Variants in METAP1D observed in about 807,000 individuals in gnomAD.
The protein encoded by METAP1D is methionine aminopeptidase 1D, mitochondrial.
METAP1D carries 31 observed loss-of-function variants against 40.5 expected under a neutral mutation model. The observed-to-expected ratio is 0.77, with a 90% CI of 0.58 to 1.03. The LOEUF is 1.03. Among genes scored for constraint, METAP1D ranks in the 50% least tolerant of loss-of-function variants. METAP1D has a pLI of 0.00. For missense variants in METAP1D, 411 were observed against 420.7 expected, an observed-to-expected ratio of 0.98 and a Z score of 0.20; for synonymous variants, 151 against 146.4, an observed-to-expected ratio of 1.03 and a Z score of -0.22.
chr2:172,025,091 G>A (rs554985427), intron 1 of METAP1D, among the ~76,000 whole-genome samples: 152 of 152,276 alleles, frequency 1.0e-3, no homozygotes, highest in Non-Finnish European at 1.9e-3. Context: ...GGAATCATTG[G>A]TTAAGAAACC....
intron 1 of METAP1D, among the ~76,000 whole-genome samples, chr2:172,043,009 GTA>G (rs1491296838): frequency 2.9e-5 from 3 of 102,716 alleles, no homozygotes; most frequent in Admixed American, 9.0e-5. Context: ...ACATATATGT[GTA>G]TGTGTACACA....
At chr2:172,018,931 C>G (rs1688942911) in intron 1 of METAP1D, among the ~76,000 whole-genome samples, 1 of 152,224 alleles carries the variant, frequency 6.6e-6, no homozygotes, top group African/African-American at 2.4e-5. Flanking sequence ...GACAGTTCCT[C>G]AGTCTTTCCT....
chr2:172,049,449 A>G (rs900781818), intron 1 of METAP1D, among the ~76,000 whole-genome samples: 1 of 151,708 alleles, frequency 6.6e-6, no homozygotes, highest in African/African-American at 2.4e-5. Flanking sequence ...ATACACACAC[A>G]TACACATATA....
In METAP1D at chr2:172,042,334, T is replaced by C. The variant is rs771777211; in HGVS notation, c.41-19164T>C. Among the ~76,000 whole-genome samples, 3 of 26,366 alleles carry C rather than the reference T, an allele frequency of 1.1e-4. 1 individual carries two copies. The highest frequency in any genetic ancestry group is 1.9e-4 in the Non-Finnish European group (3 of 15,968). 17.3% of individuals were successfully genotyped at this position (26,366 alleles called of 152,430 possible). A position where few individuals can be genotyped will look rare whatever the true frequency, so the allele number is the denominator to read the frequency against. ...ACATATATACATATGTATGTGTACATGTGTACATATATACATATATACATA... is the reference window on the plus strand; with the variant it reads ...ACATATATACATATGTATGTGTACACGTGTACATATATACATATATACATA... On this transcript the variant is annotated intron_variant, in intron 1 of 9. Coordinates refer to ENST00000315796, the MANE Select transcript of METAP1D (RefSeq NM_199227.3).
chr2:172,074,493 A>G (rs903548184), intron 6 of METAP1D, among the ~76,000 whole-genome samples: 2 of 152,232 alleles, frequency 1.3e-5, no homozygotes, highest in Non-Finnish European at 2.9e-5. Flanking sequence ...AAGCATTGCA[A>G]TAAATTATCT....
In METAP1D at chr2:172,042,449, GCGTACATA is replaced by G. The variant is rs1277752995; in HGVS notation, c.41-19048_41-19041del. Among the ~76,000 whole-genome samples, 2 of 39,222 alleles carry G rather than the reference GCGTACATA, an allele frequency of 5.1e-5. 1 individual carries two copies. Among genetic ancestry groups the G allele is most frequent in the Admixed American group, 6.0e-4 (2 of 3,330 alleles). The allele number at this position is 39,222 out of a possible 152,430, so 25.7% of individuals were successfully genotyped here. On this transcript the variant is annotated intron_variant, in intron 1 of 9. Coordinates refer to ENST00000315796, the MANE Select transcript of METAP1D (RefSeq NM_199227.3). ...CATATATACATATGTATGTGTACAT[GCGTACATA>G]TATACATATATACATATGTGTGTGT...
chr2:172,005,443 A>G (rs939634120), intron 1 of METAP1D, among the ~76,000 whole-genome samples: 2 of 150,420 alleles, frequency 1.3e-5, no homozygotes, highest in Non-Finnish European at 3.0e-5. Flanking sequence ...AATGGCCTCC[A>G]GTTCCATCCA....
intron 5 of METAP1D, among the ~76,000 whole-genome samples, chr2:172,069,998 A>G (rs1303209500): frequency 2.0e-5 from 3 of 152,190 alleles, no homozygotes; most frequent in Non-Finnish European, 4.4e-5. Flanking sequence ...ATTCTACCTT[A>G]TGAGCAAGAG....
chr2:172,048,585 T>C lies in METAP1D; in HGVS notation c.41-12913T>C, dbSNP rs187365614. Reference sequence around the variant, plus strand: ...GCATATCTTTTGGAGGAAATTCTCATGGTGCATTCACAAGCAAAATATAAA... The same window carrying C: ...GCATATCTTTTGGAGGAAATTCTCACGGTGCATTCACAAGCAAAATATAAA... On this transcript the variant is annotated intron_variant, in intron 1 of 9. Transcript: ENST00000315796. Among the ~76,000 whole-genome samples the C allele has an allele frequency of 5.3e-5, 8 of 152,338 alleles. No individual in the cohort carries two copies. In the East Asian group the frequency reaches 1.3e-3, roughly 26 times the overall value.
At chr2:172,077,974 C>A in intron 7 of METAP1D, 80 bp downstream of exon 7, 1 of 593,406 alleles carries the variant, frequency 1.7e-6, no homozygotes. Flanking sequence ...CTTCCTCTGA[C>A]TTTGAATCTG....
Position 172,080,592 on chromosome 2 carries a change from TG to T in METAP1D, c.*190del. On this transcript the variant is annotated 3_prime_UTR_variant, in exon 10 of 10. Coordinates refer to ENST00000315796, the MANE Select transcript of METAP1D (RefSeq NM_199227.3). ...TGGGAACTCGGATCTGAAGCCCTGC[TG>T]GGGTCGCGCGGCTTTGGAAAAACAA... is the stretch of plus-strand genomic sequence containing the variant. 1 of 647,130 alleles carries T rather than the reference TG, an allele frequency of 1.5e-6. No homozygotes were observed. Among genetic ancestry groups the T allele is most frequent in the Non-Finnish European group, 2.7e-6 (1 of 376,256 alleles). 40.1% of individuals were successfully genotyped at this position (647,130 alleles called of 1,614,324 possible).
intron 1 of METAP1D, among the ~76,000 whole-genome samples, chr2:172,057,001 A>T (rs1307949904): frequency 6.6e-6 from 1 of 152,252 alleles, no homozygotes; most frequent in Non-Finnish European, 1.5e-5. Flanking sequence ...TAGTCCCTGA[A>T]AGAATACATT....
At chr2:172,066,197 T>G in intron 4 of METAP1D, 67 bp from the exon 5 acceptor site, 1 of 1,296,408 alleles carries the variant, frequency 7.7e-7, no homozygotes, top group Non-Finnish European at 1.1e-6. Context: ...AGTCATTAAG[T>G]ATTTATTTTT....
rs114531593 is a variant in METAP1D at position 172,056,432 on chromosome 2, G to A, written c.41-5066G>A. On this transcript the variant is annotated intron_variant, in intron 1 of 9. Transcript: ENST00000315796. Reference sequence around the variant, plus strand: ...TTCTGTCCAATGCTGTGCCACTTTGGTTATTTTTTCATCATGCATAGCACT... The same window carrying A: ...TTCTGTCCAATGCTGTGCCACTTTGATTATTTTTTCATCATGCATAGCACT... 3.0e-3 allele frequency among the ~76,000 whole-genome samples: 464 copies of A among 152,292 alleles called. 3 individuals are homozygous for A. Among genetic ancestry groups the A allele is most frequent in the African/African-American group, 9.0e-3 (374 of 41,578 alleles).
At chr2:172,013,497 G>C (rs1444918371) in intron 1 of METAP1D, among the ~76,000 whole-genome samples, 4 of 152,196 alleles carry the variant, frequency 2.6e-5, no homozygotes, top group African/African-American at 7.2e-5. Context: ...TAGTGTGGGA[G>C]AGAGGGGGAT....
At chr2:172,010,709 G>GTC (rs1285730820) in intron 1 of METAP1D, among the ~76,000 whole-genome samples, 1 of 148,400 alleles carries the variant, frequency 6.7e-6, no homozygotes, top group African/African-American at 2.5e-5. Context: ...GGCCAGGCTG[G>GTC]TCTTGAACTC....
In METAP1D at chr2:172,054,896, G is replaced by C. The variant is rs372505943; in HGVS notation, c.41-6602G>C. Among the ~76,000 whole-genome samples, 157 of 152,276 alleles carry C rather than the reference G, an allele frequency of 1.0e-3. 3 individuals carry two copies. In the South Asian group the frequency reaches 0.025, roughly 25 times the overall value. ...ATTCTTATTATTACCTTTGATAACAGTAACTATTCTAGTATTCATAAAAAA... is the reference window on the plus strand; with the variant it reads ...ATTCTTATTATTACCTTTGATAACACTAACTATTCTAGTATTCATAAAAAA... On this transcript the variant is annotated intron_variant, in intron 1 of 9. Coordinates refer to ENST00000315796, the MANE Select transcript of METAP1D (RefSeq NM_199227.3).
intron 1 of METAP1D, among the ~76,000 whole-genome samples, chr2:172,056,663 G>A (rs1042660514): frequency 1.3e-5 from 2 of 152,182 alleles, no homozygotes; most frequent in African/African-American, 4.8e-5. Flanking sequence ...GTTGAAGAAT[G>A]GAGAAGGAAA....
At chr2:172,005,962 T>C (rs1688570389) in intron 1 of METAP1D, among the ~76,000 whole-genome samples, 1 of 152,064 alleles carries the variant, frequency 6.6e-6, no homozygotes, top group South Asian at 2.1e-4. Context: ...CAGTGATGAA[T>C]GCTTTGCAGT....
Sources: allele counts gnomAD v4.1 joint callset (sites outside exome capture counted in the v4.1 genomes callset), GRCh38; gene constraint gnomAD v4.1.1; transcripts MANE v1.5; gene names NCBI Gene and HGNC (gene_info 2026-07-23, HGNC 2026-07-21).